HDAC4: variants seen among roughly 807,000 people sequenced by gnomAD.
HDAC4 encodes histone deacetylase 4.
In HDAC4, 16 loss-of-function variants were observed where a neutral mutation model predicts 135.1. The observed-to-expected ratio is 0.12, with a 90% CI of 0.08 to 0.18. The LOEUF (loss-of-function observed/expected upper bound fraction) is 0.18. Ranked by LOEUF, HDAC4 falls within the 10% of genes least tolerant of loss-of-function variation. The pLI, the probability that HDAC4 is intolerant of heterozygous loss-of-function variation, is 1.00. For missense variants in HDAC4, 1,143 were observed against 1,511.8 expected (o/e 0.76, Z 4.05); for synonymous variants, 685 against 653.4 (o/e 1.05, Z -0.74).
intron 14 of HDAC4, among the ~76,000 whole-genome samples, chr2:239,109,006 G>A (rs1251384974): frequency 6.6e-6 from 1 of 152,248 alleles, no homozygotes; most frequent in Non-Finnish European, 1.5e-5. Flanking sequence ...CGCTGTGAAG[G>A]GGAGAGTATC....
At position 239,357,553 on chromosome 2, in the gene HDAC4, C is replaced by A. The variant is rs538041244; in HGVS notation, c.-219-4635G>T. Among the ~76,000 whole-genome samples the A allele has an allele frequency of 1.1e-4, 16 of 151,310 alleles. No homozygotes were observed. In the South Asian group the frequency reaches 3.3e-3, roughly 32 times the overall value. ...TAAAATTGATAAACTTCTAGCAGAGCTGATAAAGAGAAAAGACAAAGATTA... is the reference window on the plus strand; with the variant it reads ...TAAAATTGATAAACTTCTAGCAGAGATGATAAAGAGAAAAGACAAAGATTA... On this transcript the variant is annotated intron_variant, in intron 1 of 26. Coordinates refer to ENST00000543185, the MANE Select transcript of HDAC4 (RefSeq NM_001378414.1).
intron 2 of HDAC4, among the ~76,000 whole-genome samples, chr2:239,342,791 T>C (rs914792821): frequency 3.9e-5 from 6 of 152,106 alleles, no homozygotes; most frequent in African/African-American, 1.2e-4. Context: ...AAAGCCACCA[T>C]AAGCCAGCCG....
At chr2:239,376,834 T>G (rs1695044889) in intron 1 of HDAC4, among the ~76,000 whole-genome samples, 3 of 152,148 alleles carry the variant, frequency 2.0e-5, no homozygotes, top group South Asian at 4.1e-4. Context: ...CCAGACTCCC[T>G]GAGTAAGCAC....
intron 12 of HDAC4, among the ~76,000 whole-genome samples, chr2:239,124,185 AATG>A (rs1250393758): frequency 2.0e-5 from 3 of 152,120 alleles, no homozygotes; most frequent in African/African-American, 7.2e-5. Flanking sequence ...CACGCTTTTA[AATG>A]ATATCATTTG....
Position 239,262,144 on chromosome 2 carries a change from G to A in HDAC4, c.23-25480C>T, listed in dbSNP as rs534224487. Among the ~76,000 whole-genome samples, 24 of 152,258 alleles carry A rather than the reference G, an allele frequency of 1.6e-4. No homozygotes were observed. The South Asian group carries it at 5.0e-3, about 32-fold the overall frequency. The stretch of plus-strand genomic sequence containing the variant: ...TGACGCCGGGCCACGCTCACCCCAA[G>A]GCCCAAGAAGGAGCCACGGTCCACT... On this transcript the variant is annotated intron_variant, in intron 2 of 26. Coordinates refer to ENST00000543185, the MANE Select transcript of HDAC4 (RefSeq NM_001378414.1). This position sits in a 1 kb window ranked among gnomAD's most constrained non-coding sequence, Gnocchi z 4.1.
At chr2:239,208,322 GT>G (rs147906469) in intron 3 of HDAC4, among the ~76,000 whole-genome samples, 15,988 of 91,372 alleles carry the variant, frequency 0.17, 1,726 homozygotes, top group African/African-American at 0.31. Context: ...GCGAGACTCC[GT>G]CCCAAAAAAA....
At chr2:239,329,506 C>T (rs897252030) in intron 2 of HDAC4, among the ~76,000 whole-genome samples, 1 of 152,102 alleles carries the variant, frequency 6.6e-6, no homozygotes, top group South Asian at 2.1e-4. Context: ...CTCCTCCCAC[C>T]GGGACACCCC....
chr2:239,127,220 C>T (rs1231179628), intron 11 of HDAC4, among the ~76,000 whole-genome samples: 1 of 152,174 alleles, frequency 6.6e-6, no homozygotes, highest in African/African-American at 2.4e-5. Flanking sequence ...TGATTTTATG[C>T]ACAAAGATGG....
intron 3 of HDAC4, among the ~76,000 whole-genome samples, chr2:239,229,399 A>G (rs967367347): frequency 6.6e-5 from 10 of 152,198 alleles, no homozygotes; most frequent in African/African-American, 2.4e-4. Context: ...GGCAGTCAAC[A>G]AACTCTCAAC....
rs556926347 is a variant in HDAC4 at position 239,052,908 on chromosome 2, C to T, written c.*189G>A. On this transcript the variant is annotated 3_prime_UTR_variant, in exon 27 of 27. Transcript: ENST00000543185. ...TCCCTGTGAGGCTGCCACGCCCAGG[C>T]GTGCATGTGCGTCTCGAGACCTGTG... The T allele has an allele frequency of 6.3e-4, 419 of 664,280 alleles. 6 individuals are homozygous for T. The South Asian group carries it at 6.8e-3, about 11-fold the overall frequency. The allele number at this position is 664,280 out of a possible 1,614,324, so 41.1% of individuals were successfully genotyped here.
intron 20 of HDAC4, among the ~76,000 whole-genome samples, chr2:239,083,379 C>T (rs72996175): frequency 0.19 from 28,222 of 152,186 alleles, 2,852 homozygotes; most frequent in South Asian, 0.26. Flanking sequence ...GCTGCTCTGC[C>T]GCATCCCCTG....
At chr2:239,151,593 C>T (rs1265652689) in intron 7 of HDAC4, among the ~76,000 whole-genome samples, 1 of 151,978 alleles carries the variant, frequency 6.6e-6, no homozygotes, top group African/African-American at 2.4e-5. Context: ...GGACCTTTGA[C>T]TGACTGCCCA....
chr2:239,101,881 C>T (rs1306441628), intron 16 of HDAC4, among the ~76,000 whole-genome samples: 1 of 145,536 alleles, frequency 6.9e-6, no homozygotes, highest in African/African-American at 2.6e-5. Flanking sequence ...CCCCCGGCCC[C>T]GGGTCTGGGT....
At chr2:239,250,440 AGG>A (rs746857784) in intron 2 of HDAC4, among the ~76,000 whole-genome samples, 1 of 152,224 alleles carries the variant, frequency 6.6e-6, no homozygotes, top group Non-Finnish European at 1.5e-5. Flanking sequence ...CAGATAGTCC[AGG>A]GCCCCGCACG....
rs1451073731 is a variant in HDAC4, at chr2:239,090,124, A to G, written c.2281-8T>C. ...TATGGTGTCACTGTCCACCTGTGGAAACAACACCCCACAGTGAGGTCACCC... is the reference window on the plus strand; with the variant it reads ...TATGGTGTCACTGTCCACCTGTGGAGACAACACCCCACAGTGAGGTCACCC... On this transcript the variant is annotated splice_polypyrimidine_tract_variant and splice_region_variant and intron_variant, in intron 17 of 26. Coordinates refer to ENST00000543185, the MANE Select transcript of HDAC4 (RefSeq NM_001378414.1). 1.9e-6 allele frequency: 3 copies of G among 1,599,438 alleles called. No individual in the cohort carries two copies. The African/African-American group carries it at 4.0e-5, about 21-fold the overall frequency.
chr2:239,297,819 T>A (rs1427374384), intron 2 of HDAC4, among the ~76,000 whole-genome samples: 4 of 152,234 alleles, frequency 2.6e-5, no homozygotes, highest in Non-Finnish European at 4.4e-5. Context: ...GTTTATCACT[T>A]TAGAACTTTT....
chr2:239,365,166 T>C (rs1405925698), intron 1 of HDAC4, among the ~76,000 whole-genome samples: 1 of 152,262 alleles, frequency 6.6e-6, no homozygotes, highest in Non-Finnish European at 1.5e-5. Flanking sequence ...TAATAAGCAC[T>C]GTTTTCCTTA....
At chr2:239,099,051 A>G (rs1187768909) in intron 16 of HDAC4, among the ~76,000 whole-genome samples, 1 of 152,242 alleles carries the variant, frequency 6.6e-6, no homozygotes, top group East Asian at 1.9e-4. Context: ...ACACTTCAAT[A>G]AAGAAACCAA....
chr2:239,267,844 C>T lies in HDAC4; in HGVS notation c.23-31180G>A, dbSNP rs542938731. On this transcript the variant is annotated intron_variant, in intron 2 of 26. Transcript: ENST00000543185. ...TGGTTAGTTTCCACCCAAAGCCAGC[C>T]GCTTGCCATTGTTCCCAGCTTCTGA... Among the ~76,000 whole-genome samples the T allele has an allele frequency of 4.6e-5, 7 of 152,382 alleles. No individual in the cohort carries two copies. The South Asian group carries it at 8.3e-4, about 18-fold the overall frequency.
Sources: allele counts gnomAD v4.1 joint callset (sites outside exome capture counted in the v4.1 genomes callset), GRCh38; gene constraint gnomAD v4.1.1; non-coding constraint Gnocchi (gnomAD v3.1); transcripts MANE v1.5; gene names NCBI Gene and HGNC (gene_info 2026-07-23, HGNC 2026-07-21).